Variants in MAPKAP1 observed in about 807,000 individuals in gnomAD.
The protein encoded by MAPKAP1 is MAPK associated protein 1.
Under a neutral mutation model 65.7 loss-of-function variants are expected in MAPKAP1, and 20 were observed. The ratio of observed to expected loss-of-function variants is 0.30; its 90% CI spans 0.21 to 0.44. The LOEUF is 0.44. MAPKAP1 is among the 20% of genes least tolerant of loss of function. The pLI is 1.00. For missense variants in MAPKAP1, 423 were observed against 648.0 expected (o/e 0.65, Z 3.77); for synonymous variants, 222 against 244.3 (o/e 0.91, Z 0.85).
intron 4 of MAPKAP1, among the ~76,000 whole-genome samples, chr9:125,603,413 A>G (rs370429357): frequency 3.4e-4 from 2 of 5,902 alleles, no homozygotes; most frequent in African/African-American, 3.6e-4. Flanking sequence ...TGGGCGAGCA[A>G]GCACATGACA....
intron 4 of MAPKAP1, among the ~76,000 whole-genome samples, chr9:125,632,042 A>G (rs896815740): frequency 2.0e-5 from 3 of 152,106 alleles, no homozygotes; most frequent in African/African-American, 4.8e-5. Context: ...CAACATGGTG[A>G]AACTCCATCT....
chr9:125,671,896 GA>G (rs771079251), intron 2 of MAPKAP1, among the ~76,000 whole-genome samples: 2 of 152,144 alleles, frequency 1.3e-5, no homozygotes, highest in Non-Finnish European at 2.9e-5. Flanking sequence ...CCAGGGGCAA[GA>G]AGTGCCTGCT....
At chr9:125,699,893 G>C (rs1835544431) in intron 1 of MAPKAP1, among the ~76,000 whole-genome samples, 1 of 152,200 alleles carries the variant, frequency 6.6e-6, no homozygotes, top group Non-Finnish European at 1.5e-5. Context: ...GGGATTAAAG[G>C]TGTGAGCCAG....
At chr9:125,565,470 A>T (rs41274400) in intron 5 of MAPKAP1, 1 of 175,520 alleles carries the variant, frequency 5.7e-6, no homozygotes, top group Non-Finnish European at 1.4e-5. Flanking sequence ...CATGAAAAAT[A>T]AAAGAGCACA....
At chr9:125,688,328 G>A (rs958535308) in intron 1 of MAPKAP1, among the ~76,000 whole-genome samples, 5 of 152,004 alleles carry the variant, frequency 3.3e-5, no homozygotes, top group South Asian at 2.1e-4. Flanking sequence ...AGTAGAGACC[G>A]GGTTTCACCA....
At chr9:125,441,440 C>T (rs1222812823) in intron 11 of MAPKAP1, among the ~76,000 whole-genome samples, 1 of 152,138 alleles carries the variant, frequency 6.6e-6, no homozygotes, top group Non-Finnish European at 1.5e-5. Context: ...GGAGGGCGGT[C>T]AGGAAGATTA....
At position 125,460,259 on chromosome 9, in the gene MAPKAP1, T is replaced by A. The variant is rs533873229; in HGVS notation, c.1345+7713A>T. On this transcript the variant is annotated intron_variant, in intron 10 of 11. Transcript: ENST00000265960. Reference sequence around the variant, plus strand: ...TTACAATGGGTCCATAAAGCCCAAGTCAACAATTAAGTGAAAACTTAATAG... The same window carrying A: ...TTACAATGGGTCCATAAAGCCCAAGACAACAATTAAGTGAAAACTTAATAG... Among the ~76,000 whole-genome samples the A allele has an allele frequency of 2.2e-3, 332 of 151,754 alleles. 3 individuals carry two copies. The highest frequency in any genetic ancestry group is 7.8e-3 in the African/African-American group (321 of 41,364).
intron 4 of MAPKAP1, among the ~76,000 whole-genome samples, chr9:125,613,647 G>C (rs1325172363): frequency 6.6e-6 from 1 of 152,018 alleles, no homozygotes; most frequent in Non-Finnish European, 1.5e-5. Context: ...TACATTTCCT[G>C]CATGTTAATC....
chr9:125,647,117 G>A (rs10986827), intron 4 of MAPKAP1, among the ~76,000 whole-genome samples: 2,990 of 152,232 alleles, frequency 0.02, 162 homozygotes, highest in East Asian at 0.15. Context: ...GTAGCTAAAT[G>A]CACATATAAC....
chr9:125,685,867 A>T (rs776366456), intron 1 of MAPKAP1, among the ~76,000 whole-genome samples: 2 of 152,212 alleles, frequency 1.3e-5, no homozygotes, highest in Non-Finnish European at 2.9e-5. Flanking sequence ...AAGGACCCCC[A>T]TCCATGCTGC....
At chr9:125,513,070 T>C (rs1227715372) in intron 7 of MAPKAP1, 2 of 152,210 alleles carry the variant, frequency 1.3e-5, no homozygotes, top group Non-Finnish European at 2.9e-5. Flanking sequence ...CTCACCATAC[T>C]GATGCTGAAC....
At chr9:125,517,327 T>C (rs369376142) in intron 7 of MAPKAP1, among the ~76,000 whole-genome samples, 1 of 152,142 alleles carries the variant, frequency 6.6e-6, no homozygotes, top group South Asian at 2.1e-4. Context: ...TGAGAGTCCA[T>C]CAACCCTCAC....
chr9:125,620,389 GCAGTGTCTTACA>G (rs1318700076), intron 4 of MAPKAP1, among the ~76,000 whole-genome samples: 1 of 152,200 alleles, frequency 6.6e-6, no homozygotes, highest in African/African-American at 2.4e-5. Context: ...GGAGAAACAG[GCAGTGTCTTACA>G]TTGCTGGTAG....
At chr9:125,501,987 A>G (rs894326621) in intron 8 of MAPKAP1, among the ~76,000 whole-genome samples, 2 of 151,156 alleles carry the variant, frequency 1.3e-5, no homozygotes, top group African/African-American at 4.9e-5. Flanking sequence ...CTGAATTTCT[A>G]TTTCATTAAT....
intron 6 of MAPKAP1, among the ~76,000 whole-genome samples, chr9:125,549,712 G>T (rs1466366502): frequency 6.6e-6 from 1 of 152,048 alleles, no homozygotes; most frequent in Non-Finnish European, 1.5e-5. Flanking sequence ...GCCAAATCCG[G>T]TCATGCCTGC....
intron 4 of MAPKAP1, among the ~76,000 whole-genome samples, chr9:125,641,257 A>T (rs937605682): frequency 7.9e-5 from 12 of 152,188 alleles, no homozygotes; most frequent in Non-Finnish European, 1.5e-4. Context: ...AGCCATTCAA[A>T]ATTTTCTGAA....
intron 6 of MAPKAP1, among the ~76,000 whole-genome samples, chr9:125,544,552 A>T (rs1449912791): frequency 6.6e-6 from 1 of 152,212 alleles, no homozygotes; most frequent in Non-Finnish European, 1.5e-5. Flanking sequence ...CTTCACCAAG[A>T]CTGTTAATTG....
At chr9:125,682,022 A>G (rs887858160) in intron 1 of MAPKAP1, among the ~76,000 whole-genome samples, 1 of 152,244 alleles carries the variant, frequency 6.6e-6, no homozygotes, top group African/African-American at 2.4e-5. Flanking sequence ...TTGGCATCCC[A>G]AAGAGTTGGG....
intron 6 of MAPKAP1, among the ~76,000 whole-genome samples, chr9:125,550,095 T>C (rs762835755): frequency 1.3e-5 from 2 of 151,892 alleles, no homozygotes; most frequent in Non-Finnish European, 2.9e-5. Flanking sequence ...CCAGGCGGGG[T>C]TCCATAACTG....
Sources: allele counts gnomAD v4.1 joint callset (sites outside exome capture counted in the v4.1 genomes callset), GRCh38; gene constraint gnomAD v4.1.1; transcripts MANE v1.5; gene names NCBI Gene and HGNC (gene_info 2026-07-23, HGNC 2026-07-21).